The following CLK4 variants were observed in gnomAD, a reference collection of about 807,000 sequenced individuals.
CLK4 encodes CDC like kinase 4, also known as dual specificity protein kinase CLK4.
CLK4 carries 37 observed loss-of-function variants against 64.4 expected under a neutral mutation model. The observed-to-expected ratio is 0.57, with a 90% confidence interval of 0.44 to 0.76. The LOEUF is 0.76. Among genes scored for constraint, CLK4 ranks in the 30% least tolerant of loss-of-function variants. The pLI, the probability that CLK4 is intolerant of heterozygous loss-of-function variation, is 0.00. For missense variants in CLK4, 457 were observed against 605.1 expected (o/e 0.76, Z 2.57); for synonymous variants, 175 against 191.6 (o/e 0.91, Z 0.72).
At chr5:178,619,481 TC>T (rs1263485492) in intron 2 of CLK4, among the ~76,000 whole-genome samples, 1 of 152,226 alleles carries the variant, frequency 6.6e-6, no homozygotes, top group African/African-American at 2.4e-5. Context: ...GCCAAAGGCA[TC>T]TAAAATATAT....
In CLK4 at chr5:178,616,873, C is replaced by A. The variant is rs1199737661; in HGVS notation, c.542+9G>T. The stretch of plus-strand genomic sequence containing the variant: ...ATCAGAATGTTTGAAAAGGAAAAAA[C>A]AAACTTACATGCCATGATCAATGCA... On this transcript the variant is annotated intron_variant, in intron 5 of 12. Coordinates refer to ENST00000316308, the MANE Select transcript of CLK4 (RefSeq NM_020666.3). 4 of 1,602,176 alleles carry A rather than the reference C, an allele frequency of 2.5e-6. No homozygotes were observed. The highest frequency in any genetic ancestry group is 3.4e-6 in the Non-Finnish European group (4 of 1,171,642).
At chr5:178,613,179 T>C (rs1009133460) in intron 7 of CLK4, among the ~76,000 whole-genome samples, 1 of 152,160 alleles carries the variant, frequency 6.6e-6, no homozygotes, top group Non-Finnish European at 1.5e-5. Context: ...CCCCAGCACT[T>C]TGGGAGGCCG....
intron 10 of CLK4, chr5:178,605,953 G>C (rs1764461500): frequency 6.6e-6 from 1 of 152,144 alleles, no homozygotes. Context: ...GTAAAAACAG[G>C]CACCAGGCAG....
At position 178,611,901 on chromosome 5, in the gene CLK4, C is replaced by T. The variant is rs185739506; in HGVS notation, c.1051+515G>A. On this transcript the variant is annotated intron_variant, in intron 9 of 12. Coordinates refer to ENST00000316308, the MANE Select transcript of CLK4 (RefSeq NM_020666.3). Reference sequence around the variant, plus strand: ...TAACTTTTAATGTTGAGGCATAACACTCCCTTAATAAGTCCCTTCTTATTT... The same window carrying T: ...TAACTTTTAATGTTGAGGCATAACATTCCCTTAATAAGTCCCTTCTTATTT... Among the ~76,000 whole-genome samples, 32 of 152,282 alleles carry T rather than the reference C, an allele frequency of 2.1e-4. No individual in the cohort carries two copies. In the South Asian group the frequency reaches 4.1e-3, roughly 20 times the overall value.
In CLK4 at chr5:178,617,756, A is replaced by T. The variant is rs959330758; in HGVS notation, c.385-322T>A. Reference sequence around the variant, plus strand: ...GAAATTTAAAGAATGCAATGTCATGATTTACTTATCTCTTGCTATAAACAG... The same window carrying T: ...GAAATTTAAAGAATGCAATGTCATGTTTTACTTATCTCTTGCTATAAACAG... On this transcript the variant is annotated intron_variant, in intron 3 of 12. Transcript: ENST00000316308. This position sits in a 1 kb window ranked among gnomAD's most constrained non-coding sequence, Gnocchi z 5.2. The T allele has an allele frequency of 4.3e-5, 8 of 185,414 alleles. No individual in the cohort carries two copies. The Admixed American group carries it at 4.6e-4, about 11-fold the overall frequency. The allele number at this position is 185,414 out of a possible 1,614,324, so 11.5% of individuals were successfully genotyped here.
rs1764637985 is a variant in CLK4 at position 178,617,123 on chromosome 5, T to C, written c.476-175A>G. On this transcript the variant is annotated intron_variant, in intron 4 of 12. Transcript: ENST00000316308. The surrounding 1 kb of genome is among the most constrained non-coding windows in gnomAD (Gnocchi z 5.2). ...TGCTACAAAAACAATTAGATAGAGC[T>C]ATCTTTCTTGCTCTAATCTCAAATT... The C allele has an allele frequency of 1.6e-6, 1 of 642,752 alleles. No homozygotes were observed. Among genetic ancestry groups the C allele is most frequent in the African/African-American group, 1.8e-5 (1 of 54,450 alleles). 39.8% of individuals were successfully genotyped at this position (642,752 alleles called of 1,614,324 possible). A position where few individuals can be genotyped will look rare whatever the true frequency, so the allele number is the denominator to read the frequency against.
At chr5:178,618,914 A>G (rs1764666425) in intron 2 of CLK4, 136 bp from the exon 3 acceptor site, 1 of 632,972 alleles carries the variant, frequency 1.6e-6, no homozygotes, top group Non-Finnish European at 2.7e-6. Context: ...ATTAGCATTT[A>G]TATTTATCTC....
chr5:178,613,203 C>G (rs980355898), intron 7 of CLK4, among the ~76,000 whole-genome samples: 2 of 152,124 alleles, frequency 1.3e-5, no homozygotes, highest in Non-Finnish European at 2.9e-5. Context: ...GGGGCAATCA[C>G]AAGGTCAGGA....
At chr5:178,606,479 C>A (rs1270541002) in intron 10 of CLK4, among the ~76,000 whole-genome samples, 2 of 152,154 alleles carry the variant, frequency 1.3e-5, no homozygotes, top group African/African-American at 4.8e-5. Context: ...CATTGTGCAA[C>A]AGCTGCCTAA....
chr5:178,620,966 T>C (rs1187042226), intron 2 of CLK4, among the ~76,000 whole-genome samples: 2 of 152,200 alleles, frequency 1.3e-5, no homozygotes, highest in Non-Finnish European at 2.9e-5. Context: ...ATTACCATCT[T>C]AAATTCATAT....
At chr5:178,609,498 T>C (rs969581925) in intron 9 of CLK4, among the ~76,000 whole-genome samples, 2 of 151,828 alleles carry the variant, frequency 1.3e-5, no homozygotes, top group Non-Finnish European at 2.9e-5. Context: ...CTGACCAACA[T>C]GGTGAAACCC....
chr5:178,616,782 G>T, intron 5 of CLK4, 100 bp downstream of exon 5: 2 of 884,752 alleles, frequency 2.3e-6, no homozygotes, highest in Non-Finnish European at 3.6e-6. Flanking sequence ...GGCAACAGAG[G>T]CCCTATCTCA....
chr5:178,615,020 G>A (rs1300267678), intron 5 of CLK4, among the ~76,000 whole-genome samples: 1 of 152,014 alleles, frequency 6.6e-6, no homozygotes, highest in Admixed American at 6.6e-5. Context: ...GGCCTCAACT[G>A]CCCCAATAAA....
intron 10 of CLK4, among the ~76,000 whole-genome samples, chr5:178,607,451 C>T (rs1458740633): frequency 1.3e-5 from 2 of 151,402 alleles, no homozygotes; most frequent in Non-Finnish European, 2.9e-5. Context: ...TTCTCAGTGA[C>T]GCCTTCTCTA....
chr5:178,612,437 T>C lies in CLK4; in HGVS notation c.1030A>G (p.Arg344Gly). Reference sequence around the variant, plus strand: ...TGACCCAAAATGACCTCGGGAGCTCTGTAGTGCCGGGTAGACACCAAAGTA... The same window carrying C: ...TGACCCAAAATGACCTCGGGAGCTCCGTAGTGCCGGGTAGACACCAAAGTA... The part of the protein sequence containing the change: ...HSTLVSTRHY[R>G]APEVILALGW... The change falls in exon 9 of 13, where the codon AGA (arginine) becomes GGA (glycine). Residue 344 changes from arginine (R) to glycine (G), a missense_variant. Transcript: ENST00000316308. The C allele has an allele frequency of 6.2e-7, 1 of 1,613,686 alleles. No homozygotes were observed. Among genetic ancestry groups the C allele is most frequent in the Non-Finnish European group, 8.5e-7 (1 of 1,179,738 alleles).
chr5:178,608,741 T>C (rs945939367), intron 9 of CLK4, among the ~76,000 whole-genome samples: 2 of 152,232 alleles, frequency 1.3e-5, no homozygotes, highest in African/African-American at 4.8e-5. Flanking sequence ...CGTGCAAATA[T>C]TCCATAGTCT....
intron 2 of CLK4, among the ~76,000 whole-genome samples, chr5:178,621,274 A>G (rs1290436709): frequency 1.3e-5 from 2 of 152,176 alleles, no homozygotes; most frequent in Admixed American, 6.5e-5. Context: ...TATTCACACT[A>G]AAGTTGGAGA....
chr5:178,605,908 A>G (rs1346872912), intron 10 of CLK4: 2 of 152,250 alleles, frequency 1.3e-5, no homozygotes, highest in Non-Finnish European at 2.9e-5. Context: ...TTGGCTCGTC[A>G]TGAGTGGTCC....
chr5:178,612,651 A>T (rs550008874), intron 8 of CLK4, 106 bp from the exon 9 acceptor site: 2 of 1,282,332 alleles, frequency 1.6e-6, no homozygotes, highest in East Asian at 4.7e-5. Context: ...AAGTAAGCTC[A>T]TGAGAAAGGC....
Sources: gnomAD v4.1 joint callset for allele counts (sites outside exome capture counted in the v4.1 genomes callset) on GRCh38, gnomAD v4.1.1 for gene constraint, Gnocchi (gnomAD v3.1) non-coding constraint, MANE v1.5 for transcripts, NCBI Gene and HGNC (gene_info 2026-07-23, HGNC 2026-07-21) for gene names.